SYNPO2: variants seen among roughly 807,000 people sequenced by gnomAD.
SYNPO2 encodes synaptopodin 2, also known as synaptopodin-2.
SYNPO2 carries 56 observed loss-of-function variants against 85.0 expected under a neutral mutation model. The observed-to-expected ratio is 0.66, with a 90% CI of 0.53 to 0.82. The LOEUF (loss-of-function observed/expected upper bound fraction) is 0.82, where lower values mean the gene tolerates loss of function less well. Among genes scored for constraint, SYNPO2 ranks in the 40% least tolerant of loss-of-function variants. The pLI is 0.00. For synonymous variants in SYNPO2, 602 were observed against 591.1 expected (o/e 1.02, Z -0.27); for missense variants, 1,575 against 1,534.2 (o/e 1.03, Z -0.44).
chr4:119,033,761 T>C (rs1272607519), intron 4 of SYNPO2: 1 of 984,946 alleles, frequency 1.0e-6, no homozygotes, highest in Non-Finnish European at 1.2e-6. Flanking sequence ...TTTAAAAAAA[T>C]CTTCCTTGTA....
At chr4:119,034,784 AGGTTG>A in intron 4 of SYNPO2, 7 of 985,500 alleles carry the variant, frequency 7.1e-6, no homozygotes, top group Non-Finnish European at 8.4e-6. Flanking sequence ...GCCACCTTTC[AGGTTG>A]GGGCCAAGGA....
intron 4 of SYNPO2, chr4:119,036,839 G>C: frequency 9.3e-7 from 1 of 1,074,340 alleles, no homozygotes; most frequent in Non-Finnish European, 1.1e-6. Flanking sequence ...TGAATAAAGA[G>C]AAATTTAATT....
chr4:118,972,184 A>G (rs1735564271), intron 1 of SYNPO2, among the ~76,000 whole-genome samples: 1 of 152,194 alleles, frequency 6.6e-6, no homozygotes, highest in African/African-American at 2.4e-5. Context: ...AGGCTCATGC[A>G]TGCCTGTACA....
At chr4:118,959,079 T>C (rs1734980775) in intron 1 of SYNPO2, among the ~76,000 whole-genome samples, 1 of 152,220 alleles carries the variant, frequency 6.6e-6, no homozygotes, top group African/African-American at 2.4e-5. Flanking sequence ...ATGTATTGAC[T>C]ACAAAGTTGT....
intron 1 of SYNPO2, among the ~76,000 whole-genome samples, chr4:119,007,231 T>TATATATGTATATAC (rs1737074398): frequency 1.0e-4 from 5 of 49,282 alleles, no homozygotes; most frequent in African/African-American, 4.7e-4. Context: ...TATATATATA[T>TATATATGTATATAC]ATATATATAT....
At chr4:118,999,563 C>T (rs368236088) in intron 1 of SYNPO2, among the ~76,000 whole-genome samples, 103 of 152,140 alleles carry the variant, frequency 6.8e-4, no homozygotes, top group African/African-American at 2.3e-3. Flanking sequence ...TGCATACCAC[C>T]GCACCCAGCT....
intron 4 of SYNPO2, among the ~76,000 whole-genome samples, chr4:119,047,115 C>T (rs1390683756): frequency 6.6e-6 from 1 of 152,064 alleles, no homozygotes; most frequent in Non-Finnish European, 1.5e-5. Context: ...GGCTAGAGTG[C>T]AATGGCACAA....
intron 1 of SYNPO2, among the ~76,000 whole-genome samples, chr4:118,879,201 C>G (rs928260356): frequency 3.3e-5 from 5 of 152,164 alleles, no homozygotes; most frequent in Admixed American, 6.5e-5. Flanking sequence ...AGAACGGTAA[C>G]ACTCACCGAT....
intron 1 of SYNPO2, among the ~76,000 whole-genome samples, chr4:118,962,447 G>C (rs950842212): frequency 6.6e-6 from 1 of 152,064 alleles, no homozygotes; most frequent in Non-Finnish European, 1.5e-5. Context: ...AGGCAAAGTT[G>C]GGAGCACATG....
intron 1 of SYNPO2, among the ~76,000 whole-genome samples, chr4:118,879,211 T>G (rs1052456627): frequency 6.6e-6 from 1 of 152,154 alleles, no homozygotes; most frequent in Admixed American, 6.5e-5. Context: ...CACTCACCGA[T>G]AAGGGTCCGT....
chr4:119,050,654 G>A (rs146214831), intron 4 of SYNPO2, among the ~76,000 whole-genome samples: 1 of 152,284 alleles, frequency 6.6e-6, no homozygotes, highest in East Asian at 1.9e-4. Flanking sequence ...GTAGAAAAAT[G>A]CCTCCTTAGT....
chr4:118,927,742 A>AGATG (rs1385134365), intron 1 of SYNPO2, among the ~76,000 whole-genome samples: 118 of 113,450 alleles, frequency 1.0e-3, no homozygotes, highest in African/African-American at 3.9e-3. Context: ...ATAGATAGAT[A>AGATG]GATAGATGAT....
At chr4:118,966,351 G>A (rs1244199638) in intron 1 of SYNPO2, among the ~76,000 whole-genome samples, 1 of 152,168 alleles carries the variant, frequency 6.6e-6, no homozygotes, top group African/African-American at 2.4e-5. Flanking sequence ...GAAAGAAAAG[G>A]CAGTCTGCCT....
rs1739334138 is a variant in SYNPO2 at position 119,059,446 on chromosome 4, G to A, written c.*1512G>A. The stretch of plus-strand genomic sequence containing the variant: ...CCCATGACACATGCCTTGTTAGCAT[G>A]CCCATCAAATAATCAGATCAAACAC... On this transcript the variant is annotated 3_prime_UTR_variant, in exon 5 of 5. Coordinates refer to ENST00000307142, the MANE Select transcript of SYNPO2 (RefSeq NM_133477.3). 6.6e-6 allele frequency: 1 copy of A among 152,104 alleles called. No homozygotes were observed. Among genetic ancestry groups the A allele is most frequent in the African/African-American group, 2.4e-5 (1 of 41,408 alleles). The allele number at this position is 152,104 out of a possible 1,614,324, so 9.4% of individuals were successfully genotyped here. A position where few individuals can be genotyped will look rare whatever the true frequency, so the allele number is the denominator to read the frequency against.
intron 1 of SYNPO2, among the ~76,000 whole-genome samples, chr4:118,883,828 C>A (rs977952645): frequency 1.3e-5 from 2 of 151,850 alleles, no homozygotes; most frequent in Admixed American, 1.3e-4. Context: ...CTCAGTTTCA[C>A]CCTGTTAGGT....
intron 1 of SYNPO2, among the ~76,000 whole-genome samples, chr4:118,865,059 G>T (rs1731677011): frequency 6.6e-6 from 1 of 152,196 alleles, no homozygotes; most frequent in Non-Finnish European, 1.5e-5. Flanking sequence ...AAAGGAATAT[G>T]TTGGAATTAA....
At chr4:119,046,877 C>T (rs111958080) in intron 4 of SYNPO2, among the ~76,000 whole-genome samples, 2 of 152,238 alleles carry the variant, frequency 1.3e-5, no homozygotes, top group South Asian at 2.1e-4. Context: ...AACAGATTTC[C>T]TAGAAGCAGA....
chr4:119,031,436 G>A lies in SYNPO2; in HGVS notation c.2661G>A (p.Val887=), dbSNP rs1561007400. 12 of 1,614,026 alleles carry A rather than the reference G, an allele frequency of 7.4e-6. No homozygotes were observed. The highest frequency in any genetic ancestry group is 9.3e-6 in the Non-Finnish European group (11 of 1,180,038). ...GGCAGTCGAGAATGGAGAAGTATGT[G>A]GTCGATTCAGACACGGTGCAGGCCC... The part of the protein sequence containing the change: ...AKRQSRMEKY[V]VDSDTVQAHA... Residue 887 remains valine (V), a synonymous_variant, in exon 4 of 5, where the codon GTG becomes GTA. Coordinates refer to ENST00000307142, the MANE Select transcript of SYNPO2 (RefSeq NM_133477.3).
intron 1 of SYNPO2, among the ~76,000 whole-genome samples, chr4:118,879,478 C>G (rs989173548): frequency 2.0e-5 from 3 of 152,246 alleles, no homozygotes; most frequent in Middle Eastern, 3.4e-3. Flanking sequence ...AGACGAGAGA[C>G]ACAAGAGAGA....
Sources: allele counts gnomAD v4.1 joint callset (sites outside exome capture counted in the v4.1 genomes callset), GRCh38; gene constraint gnomAD v4.1.1; transcripts MANE v1.5; gene names NCBI Gene and HGNC (gene_info 2026-07-23, HGNC 2026-07-21).